LIMA1: variants seen among roughly 807,000 people sequenced by gnomAD.
LIMA1 encodes the protein LIM domain and actin binding 1, also known as LIM domain and actin-binding protein 1.
LIMA1 carries 52 observed loss-of-function variants against 62.6 expected under a neutral mutation model. The ratio of observed to expected loss-of-function variants is 0.83; its 90% CI spans 0.67 to 1.05. The LOEUF (loss-of-function observed/expected upper bound fraction) is 1.05, where lower values mean the gene tolerates loss of function less well. Ranked by LOEUF, LIMA1 falls within the 50% of genes least tolerant of loss-of-function variation. LIMA1 has a pLI of 0.00. For synonymous variants in LIMA1, 302 were observed against 317.8 expected (o/e 0.95, Z 0.53); for missense variants, 780 against 902.2 (o/e 0.86, Z 1.74).
At position 50,177,780 on chromosome 12, in the gene LIMA1, G is replaced by T. The variant is rs1285712108; in HGVS notation, c.1564C>A (p.Pro522Thr). The change falls in exon 11 of 11, where the codon CCA (proline) becomes ACA (threonine). Residue 522 changes from proline to threonine, a missense_variant. Coordinates refer to ENST00000341247, the MANE Select transcript of LIMA1 (RefSeq NM_016357.5). ...ATCCTCAGCTTCTTGGTTTCAGCTG[G>T]CTTGTCTTCCTTCTCCTGCTGAGAG... is the stretch of plus-strand genomic sequence containing the variant. ...ASSQQEKEDK[P>T]AETKKLRIAW... 6.2e-6 allele frequency: 10 copies of T among 1,614,092 alleles called. No individual in the cohort carries two copies. The highest frequency in any genetic ancestry group is 8.5e-6 in the Non-Finnish European group (10 of 1,180,008).
In LIMA1 at chr12:50,181,968, A is replaced by C; in HGVS notation, c.1210T>G (p.Leu404Val). Residue 404 changes from leucine to valine, a missense_variant, in exon 10 of 11, where the codon TTG (leucine) becomes GTG (valine). Transcript: ENST00000341247. ...ATGTGAAACACCTGCTGGTTGGCCAAGAGACGCTCCATTGGATAGACTGTC... is the reference window on the plus strand; with the variant it reads ...ATGTGAAACACCTGCTGGTTGGCCACGAGACGCTCCATTGGATAGACTGTC... ...QKTVYPMERL[L>V]ANQQVFHISC... is the part of the protein sequence containing the mutation. 2 of 1,613,772 alleles carry C rather than the reference A, an allele frequency of 1.2e-6. No homozygotes were observed. The highest frequency in any genetic ancestry group is 2.7e-5 in the African/African-American group (2 of 75,054).
chr12:50,242,036 C>T (rs1254066987), intron 2 of LIMA1, among the ~76,000 whole-genome samples: 2 of 129,368 alleles, frequency 1.5e-5, no homozygotes, highest in Non-Finnish European at 3.1e-5. Context: ...TAATGCTCAG[C>T]TGTGGGGCAG....
chr12:50,277,727 T>A (rs1412245051), intron 1 of LIMA1, among the ~76,000 whole-genome samples: 2 of 152,160 alleles, frequency 1.3e-5, no homozygotes, highest in African/African-American at 4.8e-5. Flanking sequence ...CTGTATACTT[T>A]CCACTTTGTC....
intron 3 of LIMA1, among the ~76,000 whole-genome samples, chr12:50,228,185 G>A (rs1454862283): frequency 6.6e-6 from 1 of 152,144 alleles, no homozygotes; most frequent in Non-Finnish European, 1.5e-5. Flanking sequence ...CACCTGGGTT[G>A]TAATTCTATT....
chr12:50,282,533 A>G (rs2138724495), intron 1 of LIMA1, among the ~76,000 whole-genome samples: 1 of 152,194 alleles, frequency 6.6e-6, no homozygotes, highest in African/African-American at 2.4e-5. Flanking sequence ...TTATTTATTT[A>G]TTTATTTTTT....
At chr12:50,192,652 A>G in intron 8 of LIMA1, 91 bp from the exon 9 acceptor site, 1 of 835,532 alleles carries the variant, frequency 1.2e-6, no homozygotes, top group Non-Finnish European at 2.1e-6. Flanking sequence ...GGGCACTTTC[A>G]TTAATGACAG....
intron 1 of LIMA1, among the ~76,000 whole-genome samples, chr12:50,260,406 C>T (rs1434860912): frequency 6.6e-6 from 1 of 152,164 alleles, no homozygotes; most frequent in East Asian, 1.9e-4. Flanking sequence ...GCCTCGGCCT[C>T]CCAAAGTGCT....
At chr12:50,217,240 C>T (rs1401936468) in intron 4 of LIMA1, among the ~76,000 whole-genome samples, 1 of 152,104 alleles carries the variant, frequency 6.6e-6, no homozygotes, top group Middle Eastern at 3.4e-3. Flanking sequence ...CCAAAAATCC[C>T]AGAATTGAAA....
At chr12:50,240,249 A>G (rs942262329) in intron 2 of LIMA1, among the ~76,000 whole-genome samples, 1 of 152,126 alleles carries the variant, frequency 6.6e-6, no homozygotes, top group Non-Finnish European at 1.5e-5. Context: ...AAAGAACTCT[A>G]GTGTTGCAGA....
rs189740304 is a variant in LIMA1, at chr12:50,234,152, G to A, written c.120-2442C>T. On this transcript the variant is annotated intron_variant, in intron 2 of 10. Coordinates refer to ENST00000341247, the MANE Select transcript of LIMA1 (RefSeq NM_016357.5). ...CAGGTTTTCTCCATTTAAAGACTAA[G>A]TGGTCCGGAGATTTGTGCAGGTACA... The A allele has an allele frequency of 4.1e-4, 191 of 461,462 alleles. No individual in the cohort carries two copies. In the East Asian group the frequency reaches 0.013, roughly 31 times the overall value. 28.6% of individuals were successfully genotyped at this position (461,462 alleles called of 1,614,324 possible).
intron 4 of LIMA1, 132 bp from the exon 5 acceptor site, chr12:50,206,200 T>A (rs954477967): frequency 1.8e-5 from 12 of 669,044 alleles, no homozygotes; most frequent in Middle Eastern, 4.3e-4. Context: ...AGAATTTTTT[T>A]TAAATTACAA....
At chr12:50,201,432 T>A (rs1196137340) in intron 6 of LIMA1, 1 of 981,540 alleles carries the variant, frequency 1.0e-6, no homozygotes, top group Non-Finnish European at 1.2e-6. Flanking sequence ...TGTTTTTCCA[T>A]ATACAATTCA....
At chr12:50,249,050 CT>C (rs1297544727) in intron 1 of LIMA1, among the ~76,000 whole-genome samples, 1 of 152,222 alleles carries the variant, frequency 6.6e-6, no homozygotes, top group Non-Finnish European at 1.5e-5. Flanking sequence ...GAACTGAAGT[CT>C]GTTCCAAAGT....
Position 50,276,000 on chromosome 12 carries a change from G to T in LIMA1, c.-24+7420C>A, listed in dbSNP as rs115015276. Among the ~76,000 whole-genome samples the T allele has an allele frequency of 8.2e-3, 1,255 of 152,192 alleles. 17 individuals carry two copies. Among genetic ancestry groups the T allele is most frequent in the African/African-American group, 0.029 (1,185 of 41,524 alleles). ...ATCTGCAGGTCTAGGTGGGACCTGA[G>T]ACTCTACCTTTTTAACCACTGCCAG... is the stretch of plus-strand genomic sequence containing the variant. On this transcript the variant is annotated intron_variant, in intron 1 of 10. Coordinates refer to ENST00000341247, the MANE Select transcript of LIMA1 (RefSeq NM_016357.5).
At chr12:50,230,711 G>C (rs147183530) in intron 3 of LIMA1, among the ~76,000 whole-genome samples, 2,972 of 151,850 alleles carry the variant, frequency 0.02, 92 homozygotes, top group African/African-American at 0.069. Flanking sequence ...CGAGTAGCTG[G>C]GACTACAGGC....
chr12:50,269,386 T>C (rs1942176156), intron 1 of LIMA1, among the ~76,000 whole-genome samples: 1 of 152,090 alleles, frequency 6.6e-6, no homozygotes. Context: ...TTTTAGGAGG[T>C]TGGCCTGGAA....
chr12:50,271,144 G>A (rs1316252152), intron 1 of LIMA1, among the ~76,000 whole-genome samples: 3 of 151,168 alleles, frequency 2.0e-5, no homozygotes, highest in Non-Finnish European at 4.4e-5. Context: ...TGTGGCTTAC[G>A]CCTGTAATCC....
chr12:50,200,953 T>A (rs1319302673), intron 6 of LIMA1, 69 bp from the exon 7 acceptor site: 3 of 1,563,644 alleles, frequency 1.9e-6, no homozygotes, highest in Non-Finnish European at 2.6e-6. Context: ...ATAGCACATC[T>A]ATTAGATAAA....
At chr12:50,281,616 A>C (rs781515427) in intron 1 of LIMA1, among the ~76,000 whole-genome samples, 3 of 152,200 alleles carry the variant, frequency 2.0e-5, no homozygotes, top group African/African-American at 2.4e-5. Flanking sequence ...TTCCCAGCCC[A>C]ATACAGAACA....
Sources: allele counts gnomAD v4.1 joint callset (sites outside exome capture counted in the v4.1 genomes callset), GRCh38; gene constraint gnomAD v4.1.1; transcripts MANE v1.5; gene names NCBI Gene and HGNC (gene_info 2026-07-23, HGNC 2026-07-21).